SMAD2: variants seen among roughly 807,000 people sequenced by gnomAD.
SMAD2 encodes the protein MAD homolog 2.
In SMAD2, 8 loss-of-function variants were observed where a neutral mutation model predicts 64.4. The ratio of observed to expected loss-of-function variants is 0.12; its 90% CI spans 0.07 to 0.22. The LOEUF is 0.22. Ranked by LOEUF, SMAD2 falls within the 10% of genes least tolerant of loss-of-function variation. The pLI, the probability that SMAD2 is intolerant of heterozygous loss-of-function variation, is 1.00. For synonymous variants in SMAD2, 203 were observed against 195.8 expected (o/e 1.04, Z -0.31); for missense variants, 289 against 561.2 (o/e 0.51, Z 4.90).
chr18:47,856,959 A>G (rs1020137738), intron 6 of SMAD2, among the ~76,000 whole-genome samples: 11 of 144,552 alleles, frequency 7.6e-5, no homozygotes, highest in African/African-American at 2.6e-4. Flanking sequence ...CCGGGTTCAC[A>G]CCATTCTCCT....
chr18:47,893,265 C>A (rs748613546), intron 2 of SMAD2, among the ~76,000 whole-genome samples: 1 of 152,112 alleles, frequency 6.6e-6, no homozygotes, highest in Non-Finnish European at 1.5e-5. Flanking sequence ...CTGCCAGAGG[C>A]AACAAGAGTA....
rs868568737 is a variant in SMAD2 at position 47,919,519 on chromosome 18, C to A, written c.-54+10842G>T. On this transcript the variant is annotated intron_variant, in intron 1 of 10. Transcript: ENST00000262160. Reference sequence around the variant, plus strand: ...ACACACACACACACACACACACACACAAAGAATAGGAGATCTAACAAAGAA... The same window carrying A: ...ACACACACACACACACACACACACAAAAAGAATAGGAGATCTAACAAAGAA... 2.6e-3 allele frequency among the ~76,000 whole-genome samples: 291 copies of A among 110,332 alleles called. 1 individual carries two copies. Among genetic ancestry groups the A allele is most frequent in the Middle Eastern group, 0.017 (3 of 174 alleles). 72.4% of individuals were successfully genotyped at this position (110,332 alleles called of 152,430 possible). A position where few individuals can be genotyped will look rare whatever the true frequency, so the allele number is the denominator to read the frequency against.
Position 47,818,967 on chromosome 18 carries a change from TTGTG to T in SMAD2, c.*22856_*22859del, listed in dbSNP as rs775878385. On this transcript the variant is annotated 3_prime_UTR_variant, in exon 11 of 11. Coordinates refer to ENST00000262160, the MANE Select transcript of SMAD2 (RefSeq NM_005901.6). ...TAAAATTCTAAAATGAAAGCTATGT[TTGTG>T]TATGTGTATGTTTAGGTGTGTTTAC... The T allele has an allele frequency of 7.9e-5, 12 of 152,246 alleles. No individual in the cohort carries two copies. Among genetic ancestry groups the T allele is most frequent in the Non-Finnish European group, 1.3e-4 (9 of 68,042 alleles). The allele number at this position is 152,246 out of a possible 1,614,324, so 9.4% of individuals were successfully genotyped here. A position where few individuals can be genotyped will look rare whatever the true frequency, so the allele number is the denominator to read the frequency against.
At chr18:47,869,459 G>T (rs777466608) in intron 3 of SMAD2, 23 bp from the exon 4 acceptor site, 111 of 1,323,852 alleles carry the variant, frequency 8.4e-5, no homozygotes, top group Middle Eastern at 2.4e-4. Context: ...AAGGGGAAAA[G>T]AAAGGAGGGA....
At chr18:47,928,532 T>C (rs1362915601) in intron 1 of SMAD2, among the ~76,000 whole-genome samples, 1 of 152,082 alleles carries the variant, frequency 6.6e-6, no homozygotes, top group Non-Finnish European at 1.5e-5. Context: ...ACCAAAACCA[T>C]CCCCAATATT....
At chr18:47,877,522 C>T (rs1292154660) in intron 2 of SMAD2, among the ~76,000 whole-genome samples, 1 of 151,998 alleles carries the variant, frequency 6.6e-6, no homozygotes, top group East Asian at 1.9e-4. Flanking sequence ...TATATTTTAT[C>T]TTGACTACAA....
intron 1 of SMAD2, among the ~76,000 whole-genome samples, chr18:47,904,680 A>G (rs527710743): frequency 1.3e-5 from 2 of 152,248 alleles, no homozygotes; most frequent in Non-Finnish European, 2.9e-5. Context: ...AAAGGTCATC[A>G]TCACTAAGTA....
intron 1 of SMAD2, among the ~76,000 whole-genome samples, chr18:47,907,303 T>C (rs1327259022): frequency 2.0e-5 from 3 of 152,264 alleles, no homozygotes; most frequent in Middle Eastern, 6.8e-3. Flanking sequence ...CAAATAATTA[T>C]AGTGTGCTCA....
chr18:47,871,804 T>C (rs1418006888), intron 2 of SMAD2, among the ~76,000 whole-genome samples: 6 of 152,228 alleles, frequency 3.9e-5, no homozygotes, highest in African/African-American at 7.2e-5. Flanking sequence ...ATTTAAAAGA[T>C]ATTTTCAAAT....
rs1275088311 is a variant in SMAD2 at position 47,837,516 on chromosome 18, C to G, written c.*4311G>C. On this transcript the variant is annotated 3_prime_UTR_variant, in exon 11 of 11. Coordinates refer to ENST00000262160, the MANE Select transcript of SMAD2 (RefSeq NM_005901.6). ...GGCGGAGCTTGCAGTGAACCAAGAT[C>G]GCACCACTGCACTCCAGGTTGGGCA... The G allele has an allele frequency of 1.4e-5, 3 of 216,990 alleles. No individual in the cohort carries two copies. Among genetic ancestry groups the G allele is most frequent in the Non-Finnish European group, 2.7e-5 (3 of 111,514 alleles). 13.4% of individuals were successfully genotyped at this position (216,990 alleles called of 1,614,324 possible).
chr18:47,846,820 T>C (rs1315971530), intron 8 of SMAD2, among the ~76,000 whole-genome samples: 1 of 152,106 alleles, frequency 6.6e-6, no homozygotes, highest in African/African-American at 2.4e-5. Flanking sequence ...ACAGAAACCG[T>C]GAGGTAAAAA....
chr18:47,845,868 T>C, intron 8 of SMAD2, 68 bp from the exon 9 acceptor site: 1 of 1,438,376 alleles, frequency 7.0e-7, no homozygotes, highest in Non-Finnish European at 9.8e-7. Context: ...TGGAAGCATT[T>C]TCTTGGAAAA....
chr18:47,861,153 C>T (rs573235460), intron 6 of SMAD2, among the ~76,000 whole-genome samples: 35 of 152,114 alleles, frequency 2.3e-4, no homozygotes, highest in Non-Finnish European at 4.7e-4. Context: ...GTTGGGAGTT[C>T]GAGACCAGCC....
intron 2 of SMAD2, among the ~76,000 whole-genome samples, chr18:47,881,869 GT>G (rs748654045): frequency 6.6e-6 from 1 of 151,832 alleles, no homozygotes; most frequent in African/African-American, 2.4e-5. Context: ...AAATTACATA[GT>G]TTTTTTGTTT....
intron 1 of SMAD2, among the ~76,000 whole-genome samples, chr18:47,909,269 C>T (rs2034027226): frequency 6.6e-6 from 1 of 152,046 alleles, no homozygotes; most frequent in East Asian, 1.9e-4. Context: ...TATATGACAA[C>T]TTAAAGCAAA....
chr18:47,893,118 G>A (rs2033278533), intron 2 of SMAD2, among the ~76,000 whole-genome samples: 2 of 152,164 alleles, frequency 1.3e-5, no homozygotes, highest in Admixed American at 1.3e-4. Flanking sequence ...AGATGAAAAA[G>A]CTTCCTGAAA....
chr18:47,866,341 A>AT, intron 5 of SMAD2, among the ~76,000 whole-genome samples: 1 of 149,710 alleles, frequency 6.7e-6, no homozygotes, highest in South Asian at 2.1e-4. Flanking sequence ...AAAAAAAAAA[A>AT]GAGGAAGAGA....
At chr18:47,847,353 A>G (rs1001744006) in intron 8 of SMAD2, among the ~76,000 whole-genome samples, 1 of 152,066 alleles carries the variant, frequency 6.6e-6, no homozygotes. Context: ...ATTACTTCTC[A>G]CAGGAGGTAA....
intron 1 of SMAD2, among the ~76,000 whole-genome samples, chr18:47,926,066 G>A: frequency 6.6e-6 from 1 of 152,202 alleles, no homozygotes; most frequent in East Asian, 1.9e-4. Context: ...AAAGAAAGGG[G>A]TGACATAGGG....
Sources: gnomAD v4.1 joint callset for allele counts (sites outside exome capture counted in the v4.1 genomes callset) on GRCh38, gnomAD v4.1.1 for gene constraint, MANE v1.5 for transcripts, NCBI Gene and HGNC (gene_info 2026-07-23, HGNC 2026-07-21) for gene names.